The following CYP51A1 variants were observed in gnomAD, a reference collection of about 807,000 sequenced individuals.
CYP51A1 encodes cytochrome P450 family 51 subfamily A member 1.
In CYP51A1, 45 loss-of-function variants were observed where a neutral mutation model predicts 53.5. The ratio of observed to expected loss-of-function variants is 0.84; its 90% CI spans 0.66 to 1.08. The LOEUF (loss-of-function observed/expected upper bound fraction) is 1.08, where lower values mean the gene tolerates loss of function less well. Ranked by LOEUF, CYP51A1 falls within the 50% of genes least tolerant of loss-of-function variation. The pLI, the probability that CYP51A1 is intolerant of heterozygous loss-of-function variation, is 0.00. For missense variants in CYP51A1, 462 were observed against 621.7 expected, an observed-to-expected ratio of 0.74 and a Z score of 2.73; for synonymous variants, 181 against 217.7, an observed-to-expected ratio of 0.83 and a Z score of 1.48.
At position 92,134,203 on chromosome 7, in the gene CYP51A1, G is replaced by A; in HGVS notation, c.162C>T (p.Ala54=). 1 of 1,612,522 alleles carries A rather than the reference G, an allele frequency of 6.2e-7. No homozygotes were observed. Among genetic ancestry groups the A allele is most frequent in the Non-Finnish European group, 8.5e-7 (1 of 1,179,730 alleles). Residue 54 remains alanine (A), a synonymous_variant, in exon 1 of 10, where the codon GCC becomes GCT. Coordinates refer to ENST00000003100, the MANE Select transcript of CYP51A1 (RefSeq NM_000786.4). ...CTGCGGGCAGCTGGACCAGGTGGCC[G>A]GCGGCCAGACGGATCAGGTAGACCA... ...LSLVYLIRLA[A]GHLVQLPAGV...
intron 1 of CYP51A1, among the ~76,000 whole-genome samples, chr7:92,133,547 G>A (rs1402826302): frequency 1.3e-5 from 2 of 152,200 alleles, no homozygotes; most frequent in Non-Finnish European, 2.9e-5. Context: ...GATTACAGGC[G>A]TGAGCCACTG....
At position 92,113,836 on chromosome 7, in the gene CYP51A1, A is replaced by G. The variant is rs7797834; in HGVS notation, c.1359T>C (p.His453=). Residue 453 remains histidine (H), a synonymous_variant, in exon 10 of 10, where the codon CAT becomes CAC. Transcript: ENST00000003100. ...AGGCAAAATTTTCCCCAATACAACG[A>G]TGACGCCCTAAAAAAAAGAAAAAGT... ...FAYVPFGAGR[H]RCIGENFAYV... The G allele has an allele frequency of 0.39, 612,207 of 1,587,598 alleles. 120,197 individuals are homozygous for G. The highest frequency in any genetic ancestry group is 0.46 in the African/African-American group (34,075 of 73,432).
intron 7 of CYP51A1, among the ~76,000 whole-genome samples, chr7:92,121,060 C>T (rs2106170): frequency 0.35 from 52,387 of 151,790 alleles, 9,420 homozygotes; most frequent in Middle Eastern, 0.39. Context: ...GAGGCCAAGG[C>T]GGGCAGATGA....
chr7:92,127,426 T>C lies in CYP51A1; in HGVS notation c.595+79A>G, dbSNP rs949046876. 24 of 1,342,808 alleles carry C rather than the reference T, an allele frequency of 1.8e-5. No homozygotes were observed. The African/African-American group carries it at 2.6e-4, about 15-fold the overall frequency. The allele number at this position is 1,342,808 out of a possible 1,614,324, so 83.2% of individuals were successfully genotyped here. Reference sequence around the variant, plus strand: ...CATACACTGTAATTTGTTTTTTATATACTACACACATATATACTCTACTTT... The same window carrying C: ...CATACACTGTAATTTGTTTTTTATACACTACACACATATATACTCTACTTT... On this transcript the variant is annotated intron_variant, in intron 4 of 9. Coordinates refer to ENST00000003100, the MANE Select transcript of CYP51A1 (RefSeq NM_000786.4).
At chr7:92,114,833 T>C (rs1411709390) in intron 9 of CYP51A1, among the ~76,000 whole-genome samples, 2 of 152,218 alleles carry the variant, frequency 1.3e-5, no homozygotes, top group African/African-American at 2.4e-5. Flanking sequence ...ACTCAATGAA[T>C]GTTGACTTAA....
At chr7:92,128,207 C>T (rs1584637103) in intron 3 of CYP51A1, among the ~76,000 whole-genome samples, 1 of 152,166 alleles carries the variant, frequency 6.6e-6, no homozygotes, top group Non-Finnish European at 1.5e-5. Context: ...ACAGCATTGT[C>T]TAATAACCCT....
chr7:92,119,802 T>C (rs1404852998), intron 7 of CYP51A1, among the ~76,000 whole-genome samples: 1 of 152,108 alleles, frequency 6.6e-6, no homozygotes, highest in Non-Finnish European at 1.5e-5. Context: ...AGCCCAGACA[T>C]TGGACTTACT....
At chr7:92,129,967 A>G (rs924186111) in intron 2 of CYP51A1, among the ~76,000 whole-genome samples, 2 of 152,288 alleles carry the variant, frequency 1.3e-5, no homozygotes, top group East Asian at 3.9e-4. Context: ...GACCATACAG[A>G]GCCTCATAAG....
chr7:92,121,788 G>A (rs1007308542), intron 7 of CYP51A1, among the ~76,000 whole-genome samples: 2 of 152,194 alleles, frequency 1.3e-5, no homozygotes, highest in African/African-American at 4.8e-5. Context: ...GGCAAAAGGA[G>A]ATTAATGGTT....
chr7:92,117,365 C>A, intron 8 of CYP51A1, 153 bp from the exon 9 acceptor site: 2 of 583,730 alleles, frequency 3.4e-6, no homozygotes, highest in South Asian at 2.9e-5. Context: ...ATCATAAAGT[C>A]AAAAAATTAT....
intron 2 of CYP51A1, among the ~76,000 whole-genome samples, chr7:92,130,882 T>A (rs1819903255): frequency 6.6e-6 from 1 of 152,120 alleles, no homozygotes; most frequent in Non-Finnish European, 1.5e-5. Flanking sequence ...CACAAGAACA[T>A]AATAGGACTG....
chr7:92,119,733 G>C (rs756347186), intron 7 of CYP51A1, among the ~76,000 whole-genome samples: 1 of 152,046 alleles, frequency 6.6e-6, no homozygotes, highest in Non-Finnish European at 1.5e-5. Flanking sequence ...CACCAAAACA[G>C]GAAAGTATGG....
intron 9 of CYP51A1, among the ~76,000 whole-genome samples, chr7:92,115,540 A>G (rs1819565609): frequency 6.6e-6 from 1 of 152,204 alleles, no homozygotes; most frequent in Admixed American, 6.5e-5. Context: ...AACCTTAAGG[A>G]GGAGCACGGT....
chr7:92,126,224 A>G (rs1819796891), intron 5 of CYP51A1, 29 bp downstream of exon 5: 1 of 1,504,366 alleles, frequency 6.6e-7, no homozygotes, highest in Non-Finnish European at 8.9e-7. Context: ...AAGTTAAATA[A>G]CCTAGTGTAA....
intron 2 of CYP51A1, 40 bp downstream of exon 2, chr7:92,131,734 T>G: frequency 9.0e-7 from 1 of 1,107,410 alleles, no homozygotes; most frequent in Non-Finnish European, 1.3e-6. Flanking sequence ...ACTTCTCTAG[T>G]TGTTTTTTTT....
At chr7:92,121,219 T>C (rs913902523) in intron 7 of CYP51A1, among the ~76,000 whole-genome samples, 1 of 151,696 alleles carries the variant, frequency 6.6e-6, no homozygotes, top group Non-Finnish European at 1.5e-5. Context: ...GAAGCCGAGG[T>C]TGCAGTAAGC....
rs1269755644 is a variant in CYP51A1 at position 92,134,388 on chromosome 7, G to A, written c.-24C>T. On this transcript the variant is annotated 5_prime_UTR_variant, in exon 1 of 10. Coordinates refer to ENST00000003100, the MANE Select transcript of CYP51A1 (RefSeq NM_000786.4). Reference sequence around the variant, plus strand: ...ATTCACTCCGTCGGAAACACTGAAGGCCGAGGTCGCCACCGCTCCTCCCAA... The same window carrying A: ...ATTCACTCCGTCGGAAACACTGAAGACCGAGGTCGCCACCGCTCCTCCCAA... 2.6e-6 allele frequency: 4 copies of A among 1,541,460 alleles called. No homozygotes were observed. The Admixed American group carries it at 5.7e-5, about 22-fold the overall frequency.
intron 7 of CYP51A1, among the ~76,000 whole-genome samples, chr7:92,122,836 C>T (rs542917110): frequency 3.9e-5 from 6 of 152,256 alleles, no homozygotes; most frequent in African/African-American, 1.4e-4. Context: ...CACATAATAT[C>T]CTCTATGTAC....
intron 9 of CYP51A1, 40 bp from the exon 10 acceptor site, chr7:92,113,883 T>C: frequency 7.1e-7 from 1 of 1,407,578 alleles, no homozygotes; most frequent in Non-Finnish European, 9.7e-7. Context: ...GTTTAAATTC[T>C]TTCTCATCCT....
Sources: allele counts gnomAD v4.1 joint callset (sites outside exome capture counted in the v4.1 genomes callset), GRCh38; gene constraint gnomAD v4.1.1; transcripts MANE v1.5; gene names NCBI Gene and HGNC (gene_info 2026-07-23, HGNC 2026-07-21).